NCK2: variants seen among roughly 807,000 people sequenced by gnomAD.
NCK2 encodes the protein cytoplasmic protein NCK2.
NCK2 carries 16 observed loss-of-function variants against 33.9 expected under a neutral mutation model. The observed-to-expected ratio is 0.47, with a 90% confidence interval of 0.32 to 0.72. NCK2 has a LOEUF of 0.72. Among genes scored for constraint, NCK2 ranks in the 30% least tolerant of loss-of-function variants. NCK2 has a pLI of 0.03. For synonymous variants in NCK2, 273 were observed against 239.9 expected (o/e 1.14, Z -1.27); for missense variants, 418 against 537.3 (o/e 0.78, Z 2.19).
rs1282287076 is a variant in NCK2 at position 105,881,845 on chromosome 2, C to G, written c.744C>G (p.Pro248=). 4 of 1,596,696 alleles carry G rather than the reference C, an allele frequency of 2.5e-6. No individual in the cohort carries two copies. The South Asian group carries it at 3.4e-5, about 14-fold the overall frequency. ...KNARGQVGLV[P]KNYVVVLSDG... is the part of the protein sequence containing the mutation. ...CCCGGGGCCAGGTGGGCCTCGTCCC[C>G]AAAAACTACGTGGTGGTCCTCAGTG... is the stretch of plus-strand genomic sequence containing the variant. Residue 248 remains proline, a synonymous_variant, in exon 4 of 5, where the codon CCC becomes CCG. Coordinates refer to ENST00000233154, the MANE Select transcript of NCK2 (RefSeq NM_003581.5).
chr2:105,764,055 C>T (rs1209221671), intron 1 of NCK2, among the ~76,000 whole-genome samples: 1 of 152,238 alleles, frequency 6.6e-6, no homozygotes, highest in Non-Finnish European at 1.5e-5. Context: ...CCCTCAGCCC[C>T]GTTTAACAGA....
At chr2:105,760,392 C>G (rs1429013074) in intron 1 of NCK2, among the ~76,000 whole-genome samples, 1 of 152,174 alleles carries the variant, frequency 6.6e-6, no homozygotes, top group East Asian at 1.9e-4. Flanking sequence ...TCCTGTTGCA[C>G]GAGTTCCCCA....
At chr2:105,797,889 G>A (rs527575784) in intron 1 of NCK2, among the ~76,000 whole-genome samples, 198 of 152,156 alleles carry the variant, frequency 1.3e-3, no homozygotes, top group African/African-American at 4.4e-3. Context: ...TTATGGCTTC[G>A]CAACTTTTTT....
intron 3 of NCK2, among the ~76,000 whole-genome samples, chr2:105,877,344 G>C (rs1185155384): frequency 1.3e-5 from 2 of 152,160 alleles, no homozygotes; most frequent in Non-Finnish European, 2.9e-5. Flanking sequence ...TTCTGTTCTA[G>C]ATGACCCTGG....
At chr2:105,777,777 A>G (rs1244177125) in intron 1 of NCK2, among the ~76,000 whole-genome samples, 1 of 152,022 alleles carries the variant, frequency 6.6e-6, no homozygotes, top group Non-Finnish European at 1.5e-5. Flanking sequence ...CCTGGTAGGA[A>G]CTGTTTGCTC....
intron 2 of NCK2, among the ~76,000 whole-genome samples, chr2:105,828,352 T>C (rs927305347): frequency 3.9e-5 from 6 of 152,190 alleles, no homozygotes; most frequent in African/African-American, 1.2e-4. Context: ...TTTGTTGTTG[T>C]TGTTTTGATA....
chr2:105,837,759 A>C (rs986079940), intron 2 of NCK2, among the ~76,000 whole-genome samples: 1 of 152,210 alleles, frequency 6.6e-6, no homozygotes, highest in Non-Finnish European at 1.5e-5. Context: ...TTCCTAACAC[A>C]TTATCAACCT....
chr2:105,873,702 C>T (rs972027576), intron 3 of NCK2, among the ~76,000 whole-genome samples: 1 of 152,028 alleles, frequency 6.6e-6, no homozygotes, highest in African/African-American at 2.4e-5. Flanking sequence ...AAAGTCAACT[C>T]AAAAGTAACT....
At chr2:105,789,076 C>A (rs932591020) in intron 1 of NCK2, among the ~76,000 whole-genome samples, 2 of 152,176 alleles carry the variant, frequency 1.3e-5, no homozygotes, top group Non-Finnish European at 2.9e-5. Flanking sequence ...AGGGTTCCAG[C>A]GCCCAAGTGA....
chr2:105,774,961 TTGAGGCCAGGAGCC>T (rs1044851516), intron 1 of NCK2, among the ~76,000 whole-genome samples: 16 of 150,558 alleles, frequency 1.1e-4, no homozygotes, highest in Admixed American at 4.0e-4. Flanking sequence ...GGAGGATCAG[TTGAGGCCAGGAGCC>T]TGAGGCCAGC....
chr2:105,772,737 T>C (rs940537635), intron 1 of NCK2, among the ~76,000 whole-genome samples: 1 of 152,084 alleles, frequency 6.6e-6, no homozygotes, highest in African/African-American at 2.4e-5. Context: ...CTCTTCTTTC[T>C]GGAATTGACT....
intron 4 of NCK2, among the ~76,000 whole-genome samples, chr2:105,891,539 T>G (rs1362647442): frequency 5.2e-4 from 3 of 5,746 alleles, no homozygotes; most frequent in African/African-American, 2.8e-3. Context: ...CCAATTTTTT[T>G]TTTTTTTTTT....
intron 1 of NCK2, among the ~76,000 whole-genome samples, chr2:105,785,523 G>T (rs1690646076): frequency 6.6e-6 from 1 of 152,214 alleles, no homozygotes; most frequent in Non-Finnish European, 1.5e-5. Context: ...AATGCAGCCT[G>T]CCCAGTCCTC....
chr2:105,755,339 G>A (rs2104339375), intron 1 of NCK2, among the ~76,000 whole-genome samples: 1 of 152,282 alleles, frequency 6.6e-6, no homozygotes, highest in East Asian at 1.9e-4. Context: ...AAGCTTTGCT[G>A]GGTAGAACTA....
chr2:105,848,154 A>G (rs1455657763), intron 2 of NCK2, among the ~76,000 whole-genome samples: 4 of 152,242 alleles, frequency 2.6e-5, no homozygotes, highest in African/African-American at 9.6e-5. Flanking sequence ...CTTGTCCAGC[A>G]CAGACTGAGT....
At chr2:105,760,994 G>A (rs749130766) in intron 1 of NCK2, among the ~76,000 whole-genome samples, 24 of 152,346 alleles carry the variant, frequency 1.6e-4, no homozygotes, top group Non-Finnish European at 2.6e-4. Context: ...TGGGATCTGG[G>A]TGGCCCTCAT....
chr2:105,784,339 CT>C (rs1690599986), intron 1 of NCK2, among the ~76,000 whole-genome samples: 1 of 152,244 alleles, frequency 6.6e-6, no homozygotes, highest in Non-Finnish European at 1.5e-5. Flanking sequence ...GTTTTCCCAC[CT>C]GCTGATCGGA....
intron 4 of NCK2, among the ~76,000 whole-genome samples, chr2:105,883,138 G>A (rs1383655263): frequency 6.6e-6 from 1 of 152,178 alleles, no homozygotes; most frequent in Non-Finnish European, 1.5e-5. Flanking sequence ...CCTTACATGT[G>A]CTTGGACGGG....
intron 4 of NCK2, among the ~76,000 whole-genome samples, chr2:105,886,906 A>C (rs1678743569): frequency 6.6e-6 from 1 of 152,232 alleles, no homozygotes; most frequent in Non-Finnish European, 1.5e-5. Flanking sequence ...TATGTAAATA[A>C]GATTACTTCC....
Sources: gnomAD v4.1 joint callset for allele counts (sites outside exome capture counted in the v4.1 genomes callset) on GRCh38, gnomAD v4.1.1 for gene constraint, MANE v1.5 for transcripts, NCBI Gene and HGNC (gene_info 2026-07-23, HGNC 2026-07-21) for gene names.